Variants in RRP1B observed in about 807,000 individuals in gnomAD.
RRP1B encodes ribosomal RNA processing 1B, also known as ribosomal RNA processing protein 1 homolog B.
Under a neutral mutation model 80.2 loss-of-function variants are expected in RRP1B, and 56 were observed. The observed-to-expected ratio is 0.70, with a 90% CI of 0.56 to 0.87. RRP1B has a LOEUF of 0.87. RRP1B is among the 40% of genes least tolerant of loss of function. The pLI is 0.00. For missense variants in RRP1B, 807 were observed against 939.8 expected (o/e 0.86, Z 1.85); for synonymous variants, 351 against 357.6 (o/e 0.98, Z 0.21).
rs1383555457 is a variant in RRP1B at position 43,687,368 on chromosome 21, C to T, written c.1142-148C>T. ...GGGACCAGACGACAAAGGTAGTGGG[C>T]GCACCAAGTACCTCAAGGGAGACAG... On this transcript the variant is annotated intron_variant, in intron 12 of 15. Coordinates refer to ENST00000340648, the MANE Select transcript of RRP1B (RefSeq NM_015056.3). The T allele has an allele frequency of 9.5e-6, 8 of 841,220 alleles. No individual in the cohort carries two copies. The Admixed American group carries it at 1.1e-4, about 11-fold the overall frequency. The allele number at this position is 841,220 out of a possible 1,614,324, so 52.1% of individuals were successfully genotyped here.
intron 10 of RRP1B, among the ~76,000 whole-genome samples, chr21:43,684,968 GTGC>G (rs1184669273): frequency 1.3e-5 from 2 of 152,114 alleles, no homozygotes; most frequent in Non-Finnish European, 2.9e-5. Context: ...TTCTGCTGGT[GTGC>G]TGCTGAGATA....
chr21:43,667,019 T>C (rs1308473999), intron 1 of RRP1B, among the ~76,000 whole-genome samples: 1 of 144,116 alleles, frequency 6.9e-6, no homozygotes, highest in African/African-American at 2.6e-5. Context: ...ATATTAATAG[T>C]TAAGATTTGA....
chr21:43,663,003 A>G (rs551721021), intron 1 of RRP1B, among the ~76,000 whole-genome samples: 9 of 152,210 alleles, frequency 5.9e-5, no homozygotes, highest in African/African-American at 2.2e-4. Flanking sequence ...GGTTGATGCT[A>G]TATTAGATTC....
Position 43,683,335 on chromosome 21 carries a change from G to A in RRP1B, c.853G>A (p.Asp285Asn). 6.2e-7 allele frequency: 1 copy of A among 1,614,184 alleles called. No individual in the cohort carries two copies. The highest frequency in any genetic ancestry group is 8.5e-7 in the Non-Finnish European group (1 of 1,180,018). ...ACTCAGTGATGAAAGAGGAAGAGAT[G>A]ACTGTGGAACCTTTGAGGACACAGG... Reference protein sequence around the residue: ...DGLSDERGRDDCGTFEDTGPL... With the variant: ...DGLSDERGRDNCGTFEDTGPL... Residue 285 changes from aspartate to asparagine, a missense_variant, in exon 9 of 16, where the codon GAC becomes AAC. Coordinates refer to ENST00000340648, the MANE Select transcript of RRP1B (RefSeq NM_015056.3).
chr21:43,690,076 C>G lies in RRP1B; in HGVS notation c.1867-212C>G, dbSNP rs189925129. 9.8e-5 allele frequency among the ~76,000 whole-genome samples: 15 copies of G among 152,408 alleles called. No homozygotes were observed. The East Asian group carries it at 2.5e-3, about 25-fold the overall frequency. ...CTGACGAGGCGTTTTCATCGCCCCT[C>G]TTGGCATGGTGCCATGATAGCGGTC... is the stretch of plus-strand genomic sequence containing the variant. On this transcript the variant is annotated intron_variant, in intron 13 of 15. Coordinates refer to ENST00000340648, the MANE Select transcript of RRP1B (RefSeq NM_015056.3).
At chr21:43,676,408 C>A in intron 7 of RRP1B, 72 bp downstream of exon 7, 1 of 1,193,762 alleles carries the variant, frequency 8.4e-7, no homozygotes, top group Non-Finnish European at 1.2e-6. Context: ...CGTCGTGCAG[C>A]CTGGCACAGG....
chr21:43,682,186 T>C (rs1440757112), intron 8 of RRP1B, among the ~76,000 whole-genome samples: 2 of 152,198 alleles, frequency 1.3e-5, no homozygotes, highest in Admixed American at 6.5e-5. Flanking sequence ...GCAAATTTTA[T>C]GTGGTCATGG....
intron 11 of RRP1B, chr21:43,686,413 C>A (rs11701754): frequency 0.024 from 4,254 of 176,534 alleles, 66 homozygotes; most frequent in Non-Finnish European, 0.034. Context: ...GGTCAATGGT[C>A]CCCCCGGGAA....
chr21:43,676,465 C>A, intron 7 of RRP1B, 129 bp downstream of exon 7: 1 of 768,480 alleles, frequency 1.3e-6, no homozygotes, highest in Non-Finnish European at 2.2e-6. Context: ...GAGAAGACAG[C>A]CGAAGCTTTG....
chr21:43,672,880 G>A (rs1490581089), intron 3 of RRP1B, among the ~76,000 whole-genome samples: 2 of 152,122 alleles, frequency 1.3e-5, no homozygotes, highest in East Asian at 1.9e-4. Flanking sequence ...GCATCCTAAT[G>A]ATTTCAACCA....
Position 43,662,127 on chromosome 21 carries a change from G to A in RRP1B, c.130+2333G>A, listed in dbSNP as rs548985817. 3.3e-4 allele frequency among the ~76,000 whole-genome samples: 51 copies of A among 152,342 alleles called. No homozygotes were observed. In the South Asian group the frequency reaches 0.011, roughly 32 times the overall value. On this transcript the variant is annotated intron_variant, in intron 1 of 15. Transcript: ENST00000340648. ...AAAAGGTCTTGGCCTGTACAAGAGT[G>A]GAAGACCAGAGGCAATACTTACGGT...
chr21:43,687,580 G>A lies in RRP1B; in HGVS notation c.1206G>A (p.Lys402=). 1 of 1,508,942 alleles carries A rather than the reference G, an allele frequency of 6.6e-7. No homozygotes were observed. The highest frequency in any genetic ancestry group is 8.8e-7 in the Non-Finnish European group (1 of 1,135,910). The allele number at this position is 1,508,942 out of a possible 1,614,324, so 93.5% of individuals were successfully genotyped here. Residue 402 remains lysine (K), a synonymous_variant, in exon 13 of 16, where the codon AAG becomes AAA. Transcript: ENST00000340648. ...GCAGTCTTCAAAAGAGAAGAAGGAA[G>A]AAGAAGAAGAAGCACCACCTGCAGC... ...SESSLQKRRR[K]KKKKHHLQPE...
In RRP1B at chr21:43,693,151, G is replaced by T; in HGVS notation, c.2084-39G>T. Reference sequence around the variant, plus strand: ...TAAGGTGTTGAAGGGACAGCTGTCGGACCCACTTAATATGGGGCCTTGCTC... The same window carrying T: ...TAAGGTGTTGAAGGGACAGCTGTCGTACCCACTTAATATGGGGCCTTGCTC... On this transcript the variant is annotated intron_variant, in intron 15 of 15. Transcript: ENST00000340648. This position sits in a 1 kb window ranked among gnomAD's most constrained non-coding sequence, Gnocchi z 4.1. The T allele has an allele frequency of 6.2e-7, 1 of 1,608,364 alleles. No homozygotes were observed. The highest frequency in any genetic ancestry group is 1.1e-5 in the South Asian group (1 of 90,590).
Position 43,687,767 on chromosome 21 carries a change from G to T in RRP1B, c.1393G>T (p.Ala465Ser). ...GEESGSEHPP[A>S]VPMHNKRKRP... ...GGAGAGTGGCTCCGAGCATCCTCCAGCCGTCCCCATGCACAATAAAAGGAA... is the reference window on the plus strand; with the variant it reads ...GGAGAGTGGCTCCGAGCATCCTCCATCCGTCCCCATGCACAATAAAAGGAA... The change falls in exon 13 of 16, where the codon GCC becomes TCC. Residue 465 changes from alanine to serine, a missense_variant. By Grantham distance (99) the Ala-to-Ser change is moderately conservative (BLOSUM62 1). Transcript: ENST00000340648. 6.2e-7 allele frequency: 1 copy of T among 1,613,280 alleles called. No homozygotes were observed. Among genetic ancestry groups the T allele is most frequent in the Non-Finnish European group, 8.5e-7 (1 of 1,180,010 alleles).
chr21:43,675,891 T>C (rs1444634533), intron 6 of RRP1B, among the ~76,000 whole-genome samples: 2 of 151,212 alleles, frequency 1.3e-5, no homozygotes, highest in African/African-American at 2.4e-5. Context: ...TTTATTTTAT[T>C]TTATTTTTAG....
At chr21:43,670,182 C>T (rs182559937) in intron 2 of RRP1B, among the ~76,000 whole-genome samples, 17 of 152,332 alleles carry the variant, frequency 1.1e-4, no homozygotes, top group Admixed American at 3.3e-4. Flanking sequence ...GATGTGCATT[C>T]GTTGTCAATT....
chr21:43,679,426 G>A (rs1000203357), intron 8 of RRP1B, among the ~76,000 whole-genome samples: 1 of 151,748 alleles, frequency 6.6e-6, no homozygotes, highest in African/African-American at 2.4e-5. Context: ...GTGCCACCAC[G>A]CCCAGCTAAT....
In RRP1B at chr21:43,693,348, C is replaced by G. The variant is rs773327178; in HGVS notation, c.2242C>G (p.Pro748Ala). ...LVAKKPLTTT[P>A]RRRPRAMDFF Reference sequence around the variant, plus strand: ...GGCCAAGAAGCCCCTGACCACCACACCAAGGAGAAGGCCCAGGGCTATGGA... The same window carrying G: ...GGCCAAGAAGCCCCTGACCACCACAGCAAGGAGAAGGCCCAGGGCTATGGA... Residue 748 changes from proline to alanine, a missense_variant, in exon 16 of 16, where the codon CCA (proline) becomes GCA (alanine). Coordinates refer to ENST00000340648, the MANE Select transcript of RRP1B (RefSeq NM_015056.3). This position sits in a 1 kb window ranked among gnomAD's most constrained non-coding sequence, Gnocchi z 4.1. 1.9e-6 allele frequency: 3 copies of G among 1,604,512 alleles called. No individual in the cohort carries two copies. Among genetic ancestry groups the G allele is most frequent in the African/African-American group, 1.3e-5 (1 of 74,818 alleles).
At chr21:43,690,070 G>A (rs1601762138) in intron 13 of RRP1B, among the ~76,000 whole-genome samples, 4 of 152,266 alleles carry the variant, frequency 2.6e-5, no homozygotes, top group Admixed American at 1.3e-4. Context: ...CGTTTTCATC[G>A]CCCCTCTTGG....
Sources: gnomAD v4.1 joint callset for allele counts (sites outside exome capture counted in the v4.1 genomes callset) on GRCh38, gnomAD v4.1.1 for gene constraint, Gnocchi (gnomAD v3.1) non-coding constraint, MANE v1.5 for transcripts, NCBI Gene and HGNC (gene_info 2026-07-23, HGNC 2026-07-21) for gene names.